Variants in FRMPD3 observed in about 807,000 individuals in gnomAD.
The protein encoded by FRMPD3 is FERM and PDZ domain-containing protein 3.
A neutral mutation model predicts 97.9 loss-of-function variants in FRMPD3; 42 were observed. The observed-to-expected ratio is 0.43, with a 90% CI of 0.34 to 0.55. The LOEUF (loss-of-function observed/expected upper bound fraction) is 0.55, where lower values mean the gene tolerates loss of function less well. Ranked by LOEUF, FRMPD3 falls within the 20% of genes least tolerant of loss-of-function variation. The pLI is 0.03. For missense variants in FRMPD3, 1,303 were observed against 1,457.7 expected (o/e 0.89, Z 1.73); for synonymous variants, 577 against 581.1 (o/e 0.99, Z 0.10).
At position 107,600,346 on chromosome X, in the gene FRMPD3, C is replaced by G; in HGVS notation, c.2307C>G (p.Asp769Glu). Reference protein sequence around the residue: ...LATITPESSLDSGHETNSSEL... With the variant: ...LATITPESSLESGHETNSSEL... ...CAATCACTCCTGAATCATCGCTGGA[C>G]TCAGGTCATGAAACCAACTCTTCAG... The change falls in exon 15 of 15, where the codon GAC (aspartate) becomes GAG (glutamate). Residue 769 changes from aspartate to glutamate, a missense_variant. Around this residue, in one of 3 missense-constraint regions of FRMPD3, gnomAD observed 4 missense variants for 18.9 expected, o/e 0.21. Transcript: ENST00000683843. 1 of 1,209,284 alleles carries G rather than the reference C, an allele frequency of 8.3e-7. No individual in the cohort carries two copies. Among genetic ancestry groups the G allele is most frequent in the Non-Finnish European group, 1.1e-6 (1 of 894,272 alleles).
intron 1 of FRMPD3, among the ~76,000 whole-genome samples, chrX:107,491,922 A>G: frequency 9.2e-6 from 1 of 108,858 alleles, no homozygotes; most frequent in East Asian, 2.9e-4. Context: ...ATAGAGTAGG[A>G]CTTTACAGAG....
chrX:107,565,807 T>C (rs1053875134), intron 12 of FRMPD3, among the ~76,000 whole-genome samples: 1 of 112,349 alleles, frequency 8.9e-6, no homozygotes, highest in Admixed American at 9.4e-5. Flanking sequence ...CCAGAGACTC[T>C]GTCCACCCCA....
intron 1 of FRMPD3, among the ~76,000 whole-genome samples, chrX:107,515,969 C>A (rs1013214666): frequency 9.1e-6 from 1 of 109,453 alleles, no homozygotes; most frequent in Non-Finnish European, 1.9e-5. Context: ...TGGTGTGCTG[C>A]ACCCATTAAC....
intron 13 of FRMPD3, among the ~76,000 whole-genome samples, chrX:107,581,682 C>G (rs1264047932): frequency 9.0e-6 from 1 of 111,608 alleles, no homozygotes; most frequent in African/African-American, 3.3e-5. Context: ...CCTCCCAGCC[C>G]TAAGCAACCA....
At chrX:107,557,891 G>A (rs1210634719) in intron 8 of FRMPD3, among the ~76,000 whole-genome samples, 9 of 81,176 alleles carry the variant, frequency 1.1e-4, no homozygotes, top group African/African-American at 2.6e-4. Context: ...CTTGTCTGTC[G>A]TTATGTCAAC....
intron 10 of FRMPD3, among the ~76,000 whole-genome samples, 157 bp downstream of exon 10, chrX:107,561,010 G>A (rs978498299): frequency 1.1e-3 from 118 of 112,081 alleles, no homozygotes; most frequent in African/African-American, 3.7e-3. Flanking sequence ...GGCAGTTGTG[G>A]AGAGGAGTCT....
intron 1 of FRMPD3, among the ~76,000 whole-genome samples, chrX:107,514,355 T>C (rs2049009250): frequency 9.0e-6 from 1 of 110,792 alleles, no homozygotes; most frequent in Non-Finnish European, 1.9e-5. Context: ...CTTTTTGCAA[T>C]ATCTGTAGAG....
intron 1 of FRMPD3, among the ~76,000 whole-genome samples, chrX:107,519,224 G>A (rs781755804): frequency 1.8e-5 from 2 of 112,330 alleles, no homozygotes; most frequent in Non-Finnish European, 3.8e-5. Context: ...GGCTGGGCAT[G>A]GTGGTTCACA....
In FRMPD3 at chrX:107,597,539, G is replaced by T. The variant is rs1270699061; in HGVS notation, c.1660G>T (p.Glu554Ter). Residue 554 changes from glutamate (E) to a stop codon, truncating the protein, a stop_gained, in exon 14 of 15, where the codon GAG becomes TAG. Coordinates refer to ENST00000683843, the MANE Select transcript of FRMPD3 (RefSeq NM_001388459.1). LOFTEE classifies it high-confidence loss of function. ...TGTCAACGAGAACCTAATCTTCTTT[G>T]AGGAGACCAGGCCCCGAACCAAGTC... is the stretch of plus-strand genomic sequence containing the variant. Reference protein sequence around the residue: ...TDVNENLIFFEETRPRTKSDP... With the variant: ...TDVNENLIFF The T allele has an allele frequency of 8.3e-7, 1 of 1,210,559 alleles. No individual in the cohort carries two copies. Among genetic ancestry groups the T allele is most frequent in the East Asian group, 3.0e-5 (1 of 33,834 alleles).
At chrX:107,502,075 T>C (rs1177837997) in intron 1 of FRMPD3, among the ~76,000 whole-genome samples, 1 of 109,729 alleles carries the variant, frequency 9.1e-6, no homozygotes, top group Non-Finnish European at 1.9e-5. Context: ...GCACTACACA[T>C]TGAGAAAAGG....
At chrX:107,498,371 G>C (rs760073801) in intron 1 of FRMPD3, among the ~76,000 whole-genome samples, 2 of 112,050 alleles carry the variant, frequency 1.8e-5, no homozygotes, top group Non-Finnish European at 3.8e-5. Flanking sequence ...CTGTGTTGTT[G>C]TTAACAGAGG....
chrX:107,453,592 A>G (rs1355397604), intron 1 of FRMPD3, among the ~76,000 whole-genome samples: 2 of 111,955 alleles, frequency 1.8e-5, no homozygotes, highest in Non-Finnish European at 3.8e-5. Context: ...TCGGCAGCCA[A>G]AATGAAGGAC....
intron 13 of FRMPD3, among the ~76,000 whole-genome samples, chrX:107,583,168 G>A (rs1258937394): frequency 1.9e-5 from 2 of 104,150 alleles, no homozygotes; most frequent in African/African-American, 7.1e-5. Context: ...GTGCAGGTTT[G>A]CTACATGGGT....
chrX:107,535,588 A>G (rs766289566), intron 4 of FRMPD3, among the ~76,000 whole-genome samples: 3 of 107,065 alleles, frequency 2.8e-5, no homozygotes, highest in Admixed American at 1.0e-4. Flanking sequence ...CACGAGAATC[A>G]TTTGAACCTG....
In FRMPD3 at chrX:107,597,342, G is replaced by A. The variant is rs769790656; in HGVS notation, c.1463G>A (p.Arg488His). Reference protein sequence around the residue: ...IKADYMHSAHRPVTGGHLGKK... With the variant: ...IKADYMHSAHHPVTGGHLGKK... ...TTAGATTACATGCACAGCGCCCACC[G>A]CCCTGTCACTGGGGGCCACCTGGGG... Residue 488 changes from arginine to histidine, a missense_variant, in exon 14 of 15, where the codon CGC (arginine) becomes CAC (histidine). Arg to His is a conservative substitution (Grantham distance 29, BLOSUM62 0). Around this residue, in one of 3 missense-constraint regions of FRMPD3, gnomAD observed 535 missense variants for 618.6 expected, o/e 0.86. Coordinates refer to ENST00000683843, the MANE Select transcript of FRMPD3 (RefSeq NM_001388459.1). 1.2e-5 allele frequency: 15 copies of A among 1,204,963 alleles called. No individual in the cohort carries two copies. The highest frequency in any genetic ancestry group is 8.9e-5 in the East Asian group (3 of 33,722).
intron 13 of FRMPD3, among the ~76,000 whole-genome samples, chrX:107,580,110 G>A (rs766614099): frequency 8.9e-6 from 1 of 111,748 alleles, no homozygotes; most frequent in African/African-American, 3.2e-5. Context: ...CACACAGACC[G>A]TATGTTTATA....
chrX:107,509,342 T>A (rs1372298961), intron 1 of FRMPD3, among the ~76,000 whole-genome samples: 1 of 111,762 alleles, frequency 8.9e-6, no homozygotes, highest in African/African-American at 3.3e-5. Flanking sequence ...CCTTCCTGCC[T>A]CCTCTCATGA....
intron 2 of FRMPD3, among the ~76,000 whole-genome samples, chrX:107,527,233 G>A (rs1922732015): frequency 8.9e-6 from 1 of 112,000 alleles, no homozygotes; most frequent in Admixed American, 9.5e-5. Context: ...GACCACAGGT[G>A]GGATAGGAGA....
chrX:107,520,485 C>CA (rs367762365), intron 1 of FRMPD3, among the ~76,000 whole-genome samples: 3,036 of 92,020 alleles, frequency 0.033, 89 homozygotes, highest in African/African-American at 0.094. Flanking sequence ...ACTAAAAATA[C>CA]AAAAAAAAAA....
Sources: allele counts gnomAD v4.1 joint callset (sites outside exome capture counted in the v4.1 genomes callset), GRCh38; gene constraint gnomAD v4.1.1; regional missense constraint gnomAD v4.1.1; transcripts MANE v1.5; gene names NCBI Gene and HGNC (gene_info 2026-07-23, HGNC 2026-07-21).